DTNA: variants seen among roughly 807,000 people sequenced by gnomAD.
The protein encoded by DTNA is dystrophin-related protein 3.
In DTNA, 43 loss-of-function variants were observed where a neutral mutation model predicts 100.7. The ratio of observed to expected loss-of-function variants is 0.43; its 90% CI spans 0.33 to 0.55. The LOEUF (loss-of-function observed/expected upper bound fraction) is 0.55. Ranked by LOEUF, DTNA falls within the 20% of genes least tolerant of loss-of-function variation. The pLI, the probability that DTNA is intolerant of heterozygous loss-of-function variation, is 0.04. For missense variants in DTNA, 798 were observed against 953.9 expected, an observed-to-expected ratio of 0.84 and a Z score of 2.15; for synonymous variants, 349 against 347.9, an observed-to-expected ratio of 1.00 and a Z score of -0.04.
At chr18:34,529,008 G>A (rs2042902791) in intron 1 of DTNA, among the ~76,000 whole-genome samples, 1 of 152,062 alleles carries the variant, frequency 6.6e-6, no homozygotes, top group Admixed American at 6.6e-5. Context: ...ATATGTAGGT[G>A]GCTGTCCACT....
intron 1 of DTNA, among the ~76,000 whole-genome samples, chr18:34,659,839 G>C (rs891587112): frequency 6.6e-6 from 1 of 152,206 alleles, no homozygotes; most frequent in South Asian, 2.1e-4. Flanking sequence ...GAATGGCCCC[G>C]CTGCCAGTGG....
chr18:34,746,181 AT>A (rs1055089072), intron 1 of DTNA, among the ~76,000 whole-genome samples: 1 of 147,100 alleles, frequency 6.8e-6, no homozygotes, highest in African/African-American at 2.5e-5. Flanking sequence ...CAGTCTTCTA[AT>A]TTGGGGGGGG....
chr18:34,575,575 A>G (rs2048033876), intron 1 of DTNA, among the ~76,000 whole-genome samples: 1 of 152,210 alleles, frequency 6.6e-6, no homozygotes, highest in Non-Finnish European at 1.5e-5. Flanking sequence ...AAGACCACTC[A>G]GTCTTCCTTT....
chr18:34,882,975 T>C (rs1383801094), intron 21 of DTNA, among the ~76,000 whole-genome samples: 1 of 152,172 alleles, frequency 6.6e-6, no homozygotes, highest in Non-Finnish European at 1.5e-5. Context: ...ACTGCAGGCC[T>C]GTGTTCATCA....
At chr18:34,617,079 G>T (rs2055448888) in intron 1 of DTNA, among the ~76,000 whole-genome samples, 1 of 152,108 alleles carries the variant, frequency 6.6e-6, no homozygotes, top group African/African-American at 2.4e-5. Flanking sequence ...GGGATAGTTT[G>T]ACTTCCTCTC....
intron 1 of DTNA, among the ~76,000 whole-genome samples, chr18:34,631,924 G>A (rs561183017): frequency 2.6e-5 from 4 of 152,148 alleles, no homozygotes; most frequent in African/African-American, 7.2e-5. Flanking sequence ...TACTTCTATC[G>A]GGAGTTTCAC....
intron 1 of DTNA, among the ~76,000 whole-genome samples, chr18:34,531,451 A>C (rs537946853): frequency 6.6e-6 from 1 of 152,154 alleles, no homozygotes; most frequent in Admixed American, 6.6e-5. Flanking sequence ...ATTTAAAACT[A>C]TCTCATAAGT....
chr18:34,728,966 A>G (rs7230284), intron 1 of DTNA, among the ~76,000 whole-genome samples: 1 of 151,958 alleles, frequency 6.6e-6, no homozygotes, highest in Non-Finnish European at 1.5e-5. Context: ...GTATTCTGAC[A>G]CCCGGGGTCC....
chr18:34,829,525 G>A lies in DTNA; in HGVS notation c.1175+36G>A, dbSNP rs2095949522. On this transcript the variant is annotated intron_variant, in intron 11 of 22. Coordinates refer to ENST00000444659, the MANE Select transcript of DTNA (RefSeq NM_001386795.1). The stretch of plus-strand genomic sequence containing the variant: ...CAGCCCTGAATTGCTAATCGTAGTA[G>A]TAGTTCCATAGCTAGACTGATAAGT... 5.4e-6 allele frequency: 8 copies of A among 1,485,768 alleles called. No homozygotes were observed. In the East Asian group the frequency reaches 2.0e-4, roughly 37 times the overall value. 92.0% of individuals were successfully genotyped at this position (1,485,768 alleles called of 1,614,324 possible).
At chr18:34,552,455 G>A (rs1012085942) in intron 1 of DTNA, among the ~76,000 whole-genome samples, 18 of 150,630 alleles carry the variant, frequency 1.2e-4, no homozygotes, top group African/African-American at 4.4e-4. Context: ...GTATACATGT[G>A]CCATGCTGGT....
chr18:34,627,527 T>C (rs16965682), intron 1 of DTNA, among the ~76,000 whole-genome samples: 4,022 of 152,252 alleles, frequency 0.026, 183 homozygotes, highest in African/African-American at 0.092. Flanking sequence ...AAGTTTAGGT[T>C]CACCAATATC....
intron 2 of DTNA, among the ~76,000 whole-genome samples, chr18:34,756,824 T>C (rs567518683): frequency 3.3e-5 from 5 of 152,184 alleles, no homozygotes; most frequent in African/African-American, 9.6e-5. Context: ...ACATCTCAAG[T>C]TGAATATTAT....
chr18:34,582,221 A>T (rs1046631824), intron 1 of DTNA, among the ~76,000 whole-genome samples: 14 of 152,056 alleles, frequency 9.2e-5, no homozygotes, highest in African/African-American at 3.1e-4. Context: ...ACCTTAGCTC[A>T]TTCTTCCAAG....
Position 34,714,863 on chromosome 18 carries a change from A to T in DTNA, c.-2+4418A>T, listed in dbSNP as rs181178971. ...AAAATGTGGCACATACACACCATGG[A>T]ATACTATGCAGCCATAAAAAATAAT... On this transcript the variant is annotated intron_variant, in intron 1 of 22. Coordinates refer to ENST00000444659, the MANE Select transcript of DTNA (RefSeq NM_001386795.1). Among the ~76,000 whole-genome samples, 249 of 152,338 alleles carry T rather than the reference A, an allele frequency of 1.6e-3. 3 individuals are homozygous for T. The East Asian group carries it at 0.042, about 26-fold the overall frequency.
intron 3 of DTNA, among the ~76,000 whole-genome samples, chr18:34,766,873 TAAGAA>T (rs2093503448): frequency 6.6e-6 from 1 of 151,964 alleles, no homozygotes; most frequent in African/African-American, 2.4e-5. Flanking sequence ...GAGACAAAAA[TAAGAA>T]AAGAGACAAT....
At chr18:34,681,443 T>C (rs3910169) in intron 1 of DTNA, among the ~76,000 whole-genome samples, 331 of 152,152 alleles carry the variant, frequency 2.2e-3, no homozygotes, top group African/African-American at 7.9e-3. Flanking sequence ...ATACTTCCCA[T>C]CAGATCAAGA....
At chr18:34,567,977 G>A (rs577285694) in intron 1 of DTNA, among the ~76,000 whole-genome samples, 5 of 151,814 alleles carry the variant, frequency 3.3e-5, no homozygotes, top group African/African-American at 9.7e-5. Flanking sequence ...GCAATTATGC[G>A]GTTTTCTTAC....
chr18:34,643,075 A>T (rs2059473831), intron 1 of DTNA, among the ~76,000 whole-genome samples: 1 of 152,228 alleles, frequency 6.6e-6, no homozygotes, highest in Non-Finnish European at 1.5e-5. Context: ...AACAAAAAAA[A>T]GGAATTTGAC....
At chr18:34,839,265 A>T (rs564209911) in intron 13 of DTNA, among the ~76,000 whole-genome samples, 1 of 152,354 alleles carries the variant, frequency 6.6e-6, no homozygotes, top group African/African-American at 2.4e-5. Context: ...AGAAAATGCG[A>T]TGTGATTGAA....
Sources: allele counts gnomAD v4.1 joint callset (sites outside exome capture counted in the v4.1 genomes callset), GRCh38; gene constraint gnomAD v4.1.1; transcripts MANE v1.5; gene names NCBI Gene and HGNC (gene_info 2026-07-23, HGNC 2026-07-21).